Variants in CTNNA2 observed in about 807,000 individuals in gnomAD.
CTNNA2 encodes catenin alpha-2.
Under a neutral mutation model 101.0 loss-of-function variants are expected in CTNNA2, and 42 were observed. The ratio of observed to expected loss-of-function variants is 0.42; its 90% CI spans 0.32 to 0.54. CTNNA2 has a LOEUF of 0.54. Ranked by LOEUF, CTNNA2 falls within the 20% of genes least tolerant of loss-of-function variation. The pLI is 0.14. For missense variants in CTNNA2, 871 were observed against 1,223.1 expected (o/e 0.71, Z 4.29); for synonymous variants, 450 against 456.4 (o/e 0.99, Z 0.18).
intron 2 of CTNNA2, among the ~76,000 whole-genome samples, chr2:79,716,593 T>A (rs77724829): frequency 0.022 from 3,344 of 152,212 alleles, 99 homozygotes; most frequent in East Asian, 0.12. Context: ...TTTGCTGAGG[T>A]TAATGGTAGT....
chr2:80,008,862 C>T (rs998595864), intron 7 of CTNNA2, among the ~76,000 whole-genome samples: 1 of 152,182 alleles, frequency 6.6e-6, no homozygotes, highest in Non-Finnish European at 1.5e-5. Context: ...GTATTTTAAT[C>T]AGTCCCTTAT....
At chr2:80,168,470 T>C (rs776152726) in intron 7 of CTNNA2, among the ~76,000 whole-genome samples, 2 of 152,118 alleles carry the variant, frequency 1.3e-5, no homozygotes, top group Non-Finnish European at 2.9e-5. Flanking sequence ...GGTACAGTCT[T>C]GTCTCAGTGT....
At chr2:79,287,898 A>C (rs1236018662) in intron 2 of CTNNA2, among the ~76,000 whole-genome samples, 1 of 152,206 alleles carries the variant, frequency 6.6e-6, no homozygotes, top group Non-Finnish European at 1.5e-5. Context: ...GCAGTCAGTG[A>C]GACTCCACGG....
chr2:79,203,882 T>G (rs1674068540), intron 2 of CTNNA2, among the ~76,000 whole-genome samples: 1 of 152,202 alleles, frequency 6.6e-6, no homozygotes, highest in Admixed American at 6.5e-5. Context: ...TCATCTGAAT[T>G]GTATAAAATA....
intron 4 of CTNNA2, among the ~76,000 whole-genome samples, chr2:79,441,364 C>T (rs1160107325): frequency 6.6e-6 from 1 of 152,128 alleles, no homozygotes; most frequent in Admixed American, 6.6e-5. Flanking sequence ...TGGTTTCATG[C>T]AGTATGTGAT....
intron 7 of CTNNA2, among the ~76,000 whole-genome samples, chr2:80,335,805 C>T (rs1324222799): frequency 6.6e-6 from 1 of 152,070 alleles, no homozygotes; most frequent in East Asian, 1.9e-4. Flanking sequence ...CCATTTGATC[C>T]ATATTTGTTT....
At chr2:80,248,255 TG>T (rs1461302309) in intron 7 of CTNNA2, among the ~76,000 whole-genome samples, 2 of 152,166 alleles carry the variant, frequency 1.3e-5, no homozygotes, top group Non-Finnish European at 2.9e-5. Context: ...TCAAGATAGA[TG>T]GAATTTTAGA....
intron 12 of CTNNA2, among the ~76,000 whole-genome samples, chr2:80,559,704 A>G (rs1245417365): frequency 6.6e-6 from 1 of 152,146 alleles, no homozygotes; most frequent in African/African-American, 2.4e-5. Flanking sequence ...CCCATTAAAT[A>G]CTTACATGGC....
intron 2 of CTNNA2, among the ~76,000 whole-genome samples, chr2:79,221,132 A>T (rs185381925): frequency 7.0e-5 from 7 of 99,702 alleles, no homozygotes; most frequent in African/African-American, 2.0e-4. Flanking sequence ...AAGCTAAAAA[A>T]AATCTCAAAT....
At chr2:80,253,573 G>A (rs1227954780) in intron 7 of CTNNA2, among the ~76,000 whole-genome samples, 1 of 151,998 alleles carries the variant, frequency 6.6e-6, no homozygotes, top group Non-Finnish European at 1.5e-5. Flanking sequence ...GCACTGGCTT[G>A]GTTTTAATGT....
At chr2:80,188,766 G>A (rs1038983768) in intron 7 of CTNNA2, among the ~76,000 whole-genome samples, 3 of 152,058 alleles carry the variant, frequency 2.0e-5, no homozygotes, top group Non-Finnish European at 4.4e-5. Flanking sequence ...TTGGATAGTC[G>A]AGGTAACCTC....
intron 7 of CTNNA2, among the ~76,000 whole-genome samples, chr2:79,916,067 T>C (rs144642139): frequency 8.5e-4 from 129 of 152,348 alleles, no homozygotes; most frequent in African/African-American, 3.0e-3. Context: ...TTGAGTATTA[T>C]CTGGATCTTC....
chr2:79,480,106 A>T (rs1360865009), intron 4 of CTNNA2, among the ~76,000 whole-genome samples: 1 of 152,022 alleles, frequency 6.6e-6, no homozygotes, highest in Non-Finnish European at 1.5e-5. Flanking sequence ...GTCACCTGGG[A>T]AAGAGGAGGC....
chr2:80,138,671 G>A (rs1270044915), intron 7 of CTNNA2, among the ~76,000 whole-genome samples: 1 of 151,956 alleles, frequency 6.6e-6, no homozygotes, highest in Admixed American at 6.6e-5. Flanking sequence ...TTCATATTCT[G>A]GTTTCATCCT....
At chr2:79,953,975 A>G (rs371217075) in intron 7 of CTNNA2, among the ~76,000 whole-genome samples, 18 of 152,306 alleles carry the variant, frequency 1.2e-4, no homozygotes, top group African/African-American at 3.4e-4. Context: ...TCACACTGCT[A>G]TCTAGACACT....
At chr2:79,935,852 T>C (rs998978219) in intron 7 of CTNNA2, among the ~76,000 whole-genome samples, 2 of 152,250 alleles carry the variant, frequency 1.3e-5, no homozygotes, top group Non-Finnish European at 2.9e-5. Context: ...GGCATTTTTT[T>C]CCCTTTTTAG....
At chr2:79,916,311 G>A (rs1429893636) in intron 7 of CTNNA2, among the ~76,000 whole-genome samples, 1 of 152,094 alleles carries the variant, frequency 6.6e-6, no homozygotes, top group Non-Finnish European at 1.5e-5. Context: ...CATTCAAGGG[G>A]AAGAGTCCTA....
At chr2:79,352,252 T>A (rs539031067) in intron 3 of CTNNA2, among the ~76,000 whole-genome samples, 1 of 152,258 alleles carries the variant, frequency 6.6e-6, no homozygotes, top group African/African-American at 2.4e-5. Flanking sequence ...TATTACTAAT[T>A]CAGTTTCAGA....
intron 2 of CTNNA2, among the ~76,000 whole-genome samples, chr2:79,210,681 T>C (rs957801581): frequency 2.0e-5 from 3 of 152,156 alleles, no homozygotes; most frequent in Admixed American, 2.0e-4. Flanking sequence ...GCAGAGTGTC[T>C]ACTCTAGTTG....
Sources: gnomAD v4.1 joint callset for allele counts (sites outside exome capture counted in the v4.1 genomes callset) on GRCh38, gnomAD v4.1.1 for gene constraint, MANE v1.5 for transcripts, NCBI Gene and HGNC (gene_info 2026-07-23, HGNC 2026-07-21) for gene names.